Variants in ACP7 observed in about 807,000 individuals in gnomAD.
The protein encoded by ACP7 is acid phosphatase 7, tartrate resistant (putative).
Under a neutral mutation model 60.6 loss-of-function variants are expected in ACP7, and 58 were observed. The observed-to-expected ratio is 0.96, with a 90% CI of 0.77 to 1.19. ACP7 has a LOEUF of 1.19. Among genes scored for constraint, ACP7 ranks in the 50% most tolerant of loss-of-function variants. The probability of loss-of-function intolerance (pLI) is 0.00; values close to 1 mark genes in which losing one functional copy is unlikely to be tolerated. For synonymous variants in ACP7, 237 were observed against 232.6 expected (o/e 1.02, Z -0.17); for missense variants, 574 against 596.2 (o/e 0.96, Z 0.39).
intron 2 of ACP7, among the ~76,000 whole-genome samples, chr19:39,091,573 A>G (rs2073204912): frequency 6.6e-6 from 1 of 152,174 alleles, no homozygotes; most frequent in Non-Finnish European, 1.5e-5. Context: ...CAGCGAGGCA[A>G]TACATGCATG....
intron 2 of ACP7, among the ~76,000 whole-genome samples, chr19:39,087,008 T>A (rs944493258): frequency 1.3e-5 from 2 of 152,080 alleles, no homozygotes; most frequent in African/African-American, 4.8e-5. Context: ...AAAAATCTTT[T>A]ATTTATTTAT....
intron 2 of ACP7, among the ~76,000 whole-genome samples, chr19:39,096,358 G>A (rs571656009): frequency 2.0e-5 from 3 of 152,118 alleles, no homozygotes; most frequent in African/African-American, 7.2e-5. Flanking sequence ...CCAGGGCAGG[G>A]GCAAAATCCA....
At chr19:39,086,160 T>C (rs1327087944) in intron 2 of ACP7, among the ~76,000 whole-genome samples, 1 of 151,814 alleles carries the variant, frequency 6.6e-6, no homozygotes, top group Non-Finnish European at 1.5e-5. Flanking sequence ...CTCTGCCTCT[T>C]AGGGAAAAAG....
At chr19:39,087,840 G>A (rs1403150886) in intron 2 of ACP7, among the ~76,000 whole-genome samples, 1 of 151,666 alleles carries the variant, frequency 6.6e-6, no homozygotes, top group Non-Finnish European at 1.5e-5. Context: ...CACCATGTTG[G>A]CCAGGCTGGC....
chr19:39,085,247 T>C lies in ACP7; in HGVS notation c.-23T>C. 6.2e-7 allele frequency: 1 copy of C among 1,605,340 alleles called. No homozygotes were observed. Among genetic ancestry groups the C allele is most frequent in the Non-Finnish European group, 8.5e-7 (1 of 1,175,646 alleles). On this transcript the variant is annotated 5_prime_UTR_variant, in exon 2 of 13. Coordinates refer to ENST00000331256, the MANE Select transcript of ACP7 (RefSeq NM_001004318.3). ...CCTCAGTCCCCCTGCTTTTCCCCGG[T>C]CTGCCATCACCACCCCACCACCATG...
chr19:39,102,775 C>A (rs1439893425), intron 11 of ACP7, among the ~76,000 whole-genome samples: 2 of 113,696 alleles, frequency 1.8e-5, no homozygotes, highest in African/African-American at 5.6e-5. Flanking sequence ...TTCTCTCTCT[C>A]TCTCTTTCTC....
At chr19:39,100,136 A>G in intron 4 of ACP7, 91 bp from the exon 5 acceptor site, 2 of 1,536,570 alleles carry the variant, frequency 1.3e-6, no homozygotes, top group South Asian at 2.4e-5. Context: ...GCTGGGATTA[A>G]CAGGTGTGAG....
chr19:39,099,833 A>C (rs1407061229), intron 4 of ACP7, among the ~76,000 whole-genome samples: 1 of 151,660 alleles, frequency 6.6e-6, no homozygotes, highest in African/African-American at 2.4e-5. Flanking sequence ...TCTCTACTAA[A>C]ACTACAAAAA....
intron 11 of ACP7, among the ~76,000 whole-genome samples, chr19:39,105,883 A>C (rs547819841): frequency 6.6e-6 from 1 of 152,258 alleles, no homozygotes; most frequent in South Asian, 2.1e-4. Flanking sequence ...GGGTCTCATT[A>C]CTGATGATGC....
chr19:39,084,856 C>T (rs2073123151), intron 1 of ACP7, among the ~76,000 whole-genome samples: 1 of 151,990 alleles, frequency 6.6e-6, no homozygotes, highest in African/African-American at 2.4e-5. Flanking sequence ...GGAATCAGGC[C>T]CTCCTGGGTT....
Position 39,102,120 on chromosome 19 carries a change from TCACACA to T in ACP7, c.1113+616_1113+621del, listed in dbSNP as rs561424510. On this transcript the variant is annotated intron_variant, in intron 11 of 12. Transcript: ENST00000331256. Reference sequence around the variant, plus strand: ...GGGCAACAAAATGAGACCCTTTCTCTCACACACACACACACACACACACACACACAC... The same window carrying T: ...GGGCAACAAAATGAGACCCTTTCTCTCACACACACACACACACACACACAC... 2.1e-4 allele frequency among the ~76,000 whole-genome samples: 30 copies of T among 145,848 alleles called. No homozygotes were observed. In the East Asian group the frequency reaches 5.1e-3, roughly 25 times the overall value.
chr19:39,100,182 A>G, intron 4 of ACP7, 45 bp from the exon 5 acceptor site: 10 of 1,605,468 alleles, frequency 6.2e-6, no homozygotes, highest in Non-Finnish European at 7.7e-6. Context: ...CAGTGAAAGC[A>G]GAGCTGGGCC....
At chr19:39,093,265 T>TTCTTTCCTTCCTTCCTTCCTTCC (rs2073230979) in intron 2 of ACP7, among the ~76,000 whole-genome samples, 1 of 150,222 alleles carries the variant, frequency 6.7e-6, no homozygotes, top group African/African-American at 2.5e-5. Context: ...TCTTTCTTTT[T>TTCTTTCCTTCCTTCCTTCCTTCC]TTCGAGACGG....
At chr19:39,089,301 C>T (rs1483202976) in intron 2 of ACP7, among the ~76,000 whole-genome samples, 1 of 152,120 alleles carries the variant, frequency 6.6e-6, no homozygotes, top group African/African-American at 2.4e-5. Context: ...CTCCTGGCCT[C>T]AAGTGATCCA....
rs1249795776 is a variant in ACP7 at position 39,085,379 on chromosome 19, T to G, written c.110T>G (p.Leu37Arg). 1 of 1,611,128 alleles carries G rather than the reference T, an allele frequency of 6.2e-7. No individual in the cohort carries two copies. Among genetic ancestry groups the G allele is most frequent in the Non-Finnish European group, 8.5e-7 (1 of 1,178,646 alleles). The change falls in exon 2 of 13, where the codon CTG becomes CGG. Residue 37 changes from leucine (L) to arginine (R), a missense_variant. Leu to Arg is a moderately radical substitution (Grantham distance 102). Transcript: ENST00000331256. ...APSAAPEQVH[L>R]SYPGEPGSMT... ...AGCGCTGCCCCAGAGCAAGTCCATC[T>G]GTCTTACCCAGGTAAGTGTCCCTGA... is the stretch of plus-strand genomic sequence containing the variant.
Position 39,098,566 on chromosome 19 carries a change from C to A in ACP7, c.230C>A (p.Thr77Asn), listed in dbSNP as rs781362684. The stretch of plus-strand genomic sequence containing the variant: ...CCCCTGCCCCTCCGCGCCCAGGGCA[C>A]CTTCGTCCCCTTTGTGGACGGGGGC... ...SGPLPLRAQG[T>N]FVPFVDGGIL... The change falls in exon 3 of 13, where the codon ACC becomes AAC. Residue 77 changes from threonine (T) to asparagine (N), a missense_variant. Coordinates refer to ENST00000331256, the MANE Select transcript of ACP7 (RefSeq NM_001004318.3). 1 of 1,613,624 alleles carries A rather than the reference C, an allele frequency of 6.2e-7. No individual in the cohort carries two copies. The highest frequency in any genetic ancestry group is 8.5e-7 in the Non-Finnish European group (1 of 1,179,820).
At chr19:39,091,249 G>A (rs1440954880) in intron 2 of ACP7, among the ~76,000 whole-genome samples, 1 of 149,512 alleles carries the variant, frequency 6.7e-6, no homozygotes, top group African/African-American at 2.5e-5. Flanking sequence ...AGCAACCTCC[G>A]CCTCCTGGGT....
At chr19:39,101,259 A>G (rs1195450857) in intron 9 of ACP7, 29 bp from the exon 10 acceptor site, 3 of 1,614,144 alleles carry the variant, frequency 1.9e-6, no homozygotes, top group Admixed American at 1.7e-5. Flanking sequence ...CCCAATTCAG[A>G]GGTCTGATCC....
At chr19:39,096,543 T>C (rs973433594) in intron 2 of ACP7, among the ~76,000 whole-genome samples, 11 of 152,326 alleles carry the variant, frequency 7.2e-5, no homozygotes, top group Middle Eastern at 3.4e-3. Flanking sequence ...CACATTTTCC[T>C]GTCTTCTTCT....
Sources: allele counts gnomAD v4.1 joint callset (sites outside exome capture counted in the v4.1 genomes callset), GRCh38; gene constraint gnomAD v4.1.1; transcripts MANE v1.5; gene names NCBI Gene and HGNC (gene_info 2026-07-23, HGNC 2026-07-21).